BROX: variants seen among roughly 807,000 people sequenced by gnomAD.
BROX encodes the protein BRO1 domain and CAAX motif containing, also known as BRO1 domain-containing protein BROX.
BROX carries 53 observed loss-of-function variants against 61.0 expected under a neutral mutation model. That is an observed-to-expected ratio of 0.87 (90% confidence interval 0.70 to 1.09). The LOEUF (loss-of-function observed/expected upper bound fraction) is 1.09, where lower values mean the gene tolerates loss of function less well. Ranked by LOEUF, BROX falls within the 50% of genes least tolerant of loss-of-function variation. The pLI is 0.00. For synonymous variants in BROX, 152 were observed against 160.2 expected, an observed-to-expected ratio of 0.95 and a Z score of 0.38; for missense variants, 489 against 472.0, an observed-to-expected ratio of 1.04 and a Z score of -0.33.
chr1:222,725,483 G>C lies in BROX; in HGVS notation c.508G>C (p.Glu170Gln). Residue 170 changes from glutamate to glutamine, a missense_variant, in exon 7 of 13, where the codon GAA (glutamate) becomes CAA (glutamine). Physicochemically the swap from Glu to Gln is conservative, Grantham distance 29 (BLOSUM62 2). Coordinates refer to ENST00000340934, the MANE Select transcript of BROX (RefSeq NM_144695.4). Reference sequence around the variant, plus strand: ...TCTCCCAAAACTCATTACACCTGCGGAAAAAGGAAGAGATTTAGAGTCACG... The same window carrying C: ...TCTCCCAAAACTCATTACACCTGCGCAAAAAGGAAGAGATTTAGAGTCACG... ...SHLPKLITPA[E>Q]KGRDLESRLI... 10 of 1,612,382 alleles carry C rather than the reference G, an allele frequency of 6.2e-6. No homozygotes were observed. Among genetic ancestry groups the C allele is most frequent in the South Asian group, 5.5e-5 (5 of 90,738 alleles).
Position 222,729,884 on chromosome 1 carries a change from C to G in BROX, c.839-143C>G. 3 of 986,570 alleles carry G rather than the reference C, an allele frequency of 3.0e-6. No homozygotes were observed. In the South Asian group the frequency reaches 5.2e-5, roughly 17 times the overall value. 61.1% of individuals were successfully genotyped at this position (986,570 alleles called of 1,614,324 possible). On this transcript the variant is annotated intron_variant, in intron 10 of 12. Coordinates refer to ENST00000340934, the MANE Select transcript of BROX (RefSeq NM_144695.4). ...AGAACCTGTAGAAAATACACACCTT[C>G]TACTTACAGTATTATTATTGGTATT... is the stretch of plus-strand genomic sequence containing the variant.
intron 2 of BROX, among the ~76,000 whole-genome samples, chr1:222,716,715 C>T (rs1256903917): frequency 6.6e-6 from 1 of 152,156 alleles, no homozygotes; most frequent in Non-Finnish European, 1.5e-5. Context: ...ACCTTATTAC[C>T]AGAAAAGCCT....
chr1:222,731,438 A>G lies in BROX; in HGVS notation c.1071A>G (p.Glu357=). The G allele has an allele frequency of 6.2e-7, 1 of 1,603,370 alleles. No individual in the cohort carries two copies. The highest frequency in any genetic ancestry group is 1.8e-5 in the Admixed American group (1 of 56,768). ...NYGLVEPIPF[E]FPPTSVQWTP... The stretch of plus-strand genomic sequence containing the variant: ...GTCTCGTAGAGCCTATACCTTTCGA[A>G]TTTCCTCCTACAAGTGTTCAGTGGA... The change falls in exon 12 of 13, where the codon GAA becomes GAG. Residue 357 remains glutamate (E), a synonymous_variant. Transcript: ENST00000340934.
At chr1:222,729,476 A>G in intron 9 of BROX, 144 bp from the exon 10 acceptor site, 1 of 501,742 alleles carries the variant, frequency 2.0e-6, no homozygotes. Flanking sequence ...TCTATGAACA[A>G]AGGTTGGGGA....
In BROX at chr1:222,719,252, C is replaced by T. The variant is rs541007138; in HGVS notation, c.209-11C>T. The T allele has an allele frequency of 6.5e-6, 10 of 1,548,408 alleles. No individual in the cohort carries two copies. In the African/African-American group the frequency reaches 1.1e-4, roughly 17 times the overall value. ...TCTTCTAAAACTAAAATGTCTTGTA[C>T]TTTTCTATAGGTTTCATAAATTCTT... On this transcript the variant is annotated splice_polypyrimidine_tract_variant and intron_variant, in intron 3 of 12. Transcript: ENST00000340934.
rs928197890 is a variant in BROX at position 222,729,213 on chromosome 1, C to T, written c.756+385C>T. Among the ~76,000 whole-genome samples, 5 of 152,100 alleles carry T rather than the reference C, an allele frequency of 3.3e-5. 1 individual carries two copies. The highest frequency in any genetic ancestry group is 3.3e-4 in the Admixed American group (5 of 15,280). Reference sequence around the variant, plus strand: ...TCAATAAACATCATTTTGGAAGTTACGTATCAGTCTGTTATACCCACCAAA... The same window carrying T: ...TCAATAAACATCATTTTGGAAGTTATGTATCAGTCTGTTATACCCACCAAA... On this transcript the variant is annotated intron_variant, in intron 9 of 12. Coordinates refer to ENST00000340934, the MANE Select transcript of BROX (RefSeq NM_144695.4).
chr1:222,714,437 A>T (rs1656388938), intron 1 of BROX, among the ~76,000 whole-genome samples: 1 of 148,874 alleles, frequency 6.7e-6, no homozygotes, highest in Non-Finnish European at 1.5e-5. Context: ...TGACCTTGTG[A>T]TCTGCCCGCC....
chr1:222,731,183 A>G (rs765182025), intron 11 of BROX, among the ~76,000 whole-genome samples, 174 bp from the exon 12 acceptor site: 4 of 152,168 alleles, frequency 2.6e-5, no homozygotes, highest in African/African-American at 4.8e-5. Flanking sequence ...GGTAGCTCCA[A>G]TTACATTGCA....
intron 9 of BROX, 22 bp from the exon 10 acceptor site, chr1:222,729,598 A>C (rs772037142): frequency 1.3e-6 from 2 of 1,594,678 alleles, no homozygotes; most frequent in Non-Finnish European, 1.7e-6. Flanking sequence ...AGAATGAATA[A>C]AAAATTTGTT....
At chr1:222,718,209 G>A (rs1656783231) in intron 2 of BROX, 1 of 152,130 alleles carries the variant, frequency 6.6e-6, no homozygotes, top group African/African-American at 2.4e-5. Context: ...GACAAGGGGA[G>A]CACCTGGAAA....
At chr1:222,728,891 GTC>G in intron 9 of BROX, 63 bp downstream of exon 9, 1 of 1,198,560 alleles carries the variant, frequency 8.3e-7, no homozygotes, top group East Asian at 2.4e-5. Flanking sequence ...GGAGTGCCAG[GTC>G]TCTCATCTCA....
intron 3 of BROX, 93 bp from the exon 4 acceptor site, chr1:222,719,170 A>C: frequency 1.6e-6 from 2 of 1,258,360 alleles, no homozygotes; most frequent in South Asian, 2.6e-5. Flanking sequence ...TCATTCAGAC[A>C]CCTGGAAAAG....
At position 222,731,324 on chromosome 1, in the gene BROX, T is replaced by A. The variant is rs73126809; in HGVS notation, c.990-33T>A. On this transcript the variant is annotated intron_variant, in intron 11 of 12. Transcript: ENST00000340934. ...ATTAGGCACTCAAATAACGAACAAA[T>A]GAATGAATTGCTATTTAAATTATTT... 8.3e-4 allele frequency: 1,274 copies of A among 1,534,076 alleles called. 6 individuals carry two copies. In the African/African-American group the frequency reaches 0.016, roughly 19 times the overall value.
rs1306832028 is a variant in BROX, at chr1:222,734,828, T to C, written c.*2114T>C. 6.6e-6 allele frequency: 1 copy of C among 152,222 alleles called. No individual in the cohort carries two copies. The highest frequency in any genetic ancestry group is 1.5e-5 in the Non-Finnish European group (1 of 68,042). 9.4% of individuals were successfully genotyped at this position (152,222 alleles called of 1,614,324 possible). ...ACATTGACATTTTTGGGGATGATAC[T>C]ACCATATACGAAATGGAAAATGTAA... On this transcript the variant is annotated 3_prime_UTR_variant, in exon 13 of 13. Coordinates refer to ENST00000340934, the MANE Select transcript of BROX (RefSeq NM_144695.4).
At chr1:222,713,198 T>C in intron 1 of BROX, 1 of 984,656 alleles carries the variant, frequency 1.0e-6, no homozygotes, top group East Asian at 1.1e-4. Context: ...GAGCTTATAA[T>C]ACAAGCTAAA....
chr1:222,725,650 A>G (rs967723037), intron 7 of BROX, 95 bp downstream of exon 7: 2 of 960,806 alleles, frequency 2.1e-6, no homozygotes, highest in Non-Finnish European at 3.0e-6. Context: ...TGGCTTATGC[A>G]TGTAGTCCCA....
At position 222,727,276 on chromosome 1, in the gene BROX, C is replaced by T. The variant is rs369931734; in HGVS notation, c.670+19C>T. ...AAAGCTGGTAAGCTTCTAATTCTGT[C>T]GTTACATTTTTAGTCTTTAGATTTT... is the stretch of plus-strand genomic sequence containing the variant. On this transcript the variant is annotated intron_variant, in intron 8 of 12. Coordinates refer to ENST00000340934, the MANE Select transcript of BROX (RefSeq NM_144695.4). 1.9e-5 allele frequency: 30 copies of T among 1,554,078 alleles called. No individual in the cohort carries two copies. In the African/African-American group the frequency reaches 2.3e-4, roughly 12 times the overall value.
At chr1:222,713,448 G>A (rs748985964) in intron 1 of BROX, 122 of 985,182 alleles carry the variant, frequency 1.2e-4, no homozygotes, top group Middle Eastern at 5.2e-4. Flanking sequence ...GGGCTTCCGG[G>A]GTGGGGGTCC....
chr1:222,727,287 T>C, intron 8 of BROX, 30 bp downstream of exon 8: 4 of 1,489,806 alleles, frequency 2.7e-6, no homozygotes, highest in Non-Finnish European at 3.7e-6. Context: ...GTTACATTTT[T>C]AGTCTTTAGA....
Sources: allele counts gnomAD v4.1 joint callset (sites outside exome capture counted in the v4.1 genomes callset), GRCh38; gene constraint gnomAD v4.1.1; transcripts MANE v1.5; gene names NCBI Gene and HGNC (gene_info 2026-07-23, HGNC 2026-07-21).